Variants in CNTN5 observed in about 807,000 individuals in gnomAD.
The protein encoded by CNTN5 is contactin-5.
A neutral mutation model predicts 129.1 loss-of-function variants in CNTN5; 77 were observed. The observed-to-expected ratio is 0.60, with a 90% CI of 0.50 to 0.72. The LOEUF (loss-of-function observed/expected upper bound fraction) is 0.72, where lower values mean the gene tolerates loss of function less well. Ranked by LOEUF, CNTN5 falls within the 30% of genes least tolerant of loss-of-function variation. CNTN5 has a pLI of 0.00. For missense variants in CNTN5, 1,478 were observed against 1,328.8 expected, an observed-to-expected ratio of 1.11 and a Z score of -1.75; for synonymous variants, 509 against 465.6, an observed-to-expected ratio of 1.09 and a Z score of -1.20.
At chr11:99,968,034 G>A (rs772497968) in intron 8 of CNTN5, among the ~76,000 whole-genome samples, 2 of 152,124 alleles carry the variant, frequency 1.3e-5, no homozygotes, top group African/African-American at 2.4e-5. Flanking sequence ...CCTGTATTAA[G>A]CAAAGATATA....
At chr11:99,756,757 GA>G (rs1431594706) in intron 3 of CNTN5, among the ~76,000 whole-genome samples, 1 of 151,790 alleles carries the variant, frequency 6.6e-6, no homozygotes, top group African/African-American at 2.4e-5. Context: ...TGTTATATAA[GA>G]AAGAAATGAG....
chr11:100,286,374 G>C (rs1950791955), intron 18 of CNTN5, among the ~76,000 whole-genome samples: 1 of 151,674 alleles, frequency 6.6e-6, no homozygotes, highest in Non-Finnish European at 1.5e-5. Context: ...GCTTTGAAGA[G>C]AGCAGTGGTT....
At chr11:99,627,355 C>T (rs1440490477) in intron 3 of CNTN5, among the ~76,000 whole-genome samples, 1 of 152,004 alleles carries the variant, frequency 6.6e-6, no homozygotes, top group Non-Finnish European at 1.5e-5. Flanking sequence ...TTGACTGATA[C>T]AACTTCTGTT....
chr11:99,273,237 A>G (rs1051744462), intron 1 of CNTN5, among the ~76,000 whole-genome samples: 5 of 151,830 alleles, frequency 3.3e-5, no homozygotes, highest in African/African-American at 1.2e-4. Context: ...TATATTGCCC[A>G]TGTGATTTTA....
intron 1 of CNTN5, among the ~76,000 whole-genome samples, chr11:99,038,601 G>T (rs1863856830): frequency 6.6e-6 from 1 of 152,060 alleles, no homozygotes; most frequent in Non-Finnish European, 1.5e-5. Flanking sequence ...TACAAAGCAT[G>T]TAACATTGCT....
chr11:99,460,972 T>C (rs1297835823), intron 2 of CNTN5, among the ~76,000 whole-genome samples: 2 of 151,974 alleles, frequency 1.3e-5, no homozygotes, highest in Admixed American at 6.6e-5. Context: ...AGGCCAAAAA[T>C]TGGAAAACAC....
chr11:99,815,905 C>T (rs893192375), intron 3 of CNTN5, among the ~76,000 whole-genome samples: 2 of 152,146 alleles, frequency 1.3e-5, no homozygotes, highest in Admixed American at 6.5e-5. Context: ...GATTTTAACA[C>T]CCTTTCAGTT....
At chr11:99,268,384 A>C (rs1339234959) in intron 1 of CNTN5, among the ~76,000 whole-genome samples, 1 of 151,854 alleles carries the variant, frequency 6.6e-6, no homozygotes, top group East Asian at 1.9e-4. Flanking sequence ...GATTATTTTT[A>C]ATAAAATTGA....
intron 2 of CNTN5, among the ~76,000 whole-genome samples, chr11:99,467,007 A>T (rs1435196532): frequency 6.6e-6 from 1 of 152,166 alleles, no homozygotes; most frequent in Non-Finnish European, 1.5e-5. Context: ...GCATAGTGTT[A>T]TCTCTGCCAC....
chr11:99,705,950 G>A (rs1954737448), intron 3 of CNTN5, among the ~76,000 whole-genome samples: 1 of 151,406 alleles, frequency 6.6e-6, no homozygotes, highest in Non-Finnish European at 1.5e-5. Flanking sequence ...GGATAGCTCA[G>A]ACAAGCTGAA....
chr11:99,383,370 C>A (rs1416778076), intron 2 of CNTN5, among the ~76,000 whole-genome samples: 1 of 152,128 alleles, frequency 6.6e-6, no homozygotes. Flanking sequence ...GAAAGAAATA[C>A]AAAATATTTT....
intron 13 of CNTN5, among the ~76,000 whole-genome samples, chr11:100,092,967 G>C (rs1944852639): frequency 6.6e-6 from 1 of 152,034 alleles, no homozygotes; most frequent in Non-Finnish European, 1.5e-5. Flanking sequence ...ACTCGCCCTG[G>C]TTTTGGAGAA....
intron 2 of CNTN5, among the ~76,000 whole-genome samples, chr11:99,427,944 A>T (rs1028691918): frequency 6.6e-6 from 1 of 151,972 alleles, no homozygotes; most frequent in African/African-American, 2.4e-5. Flanking sequence ...AATTTTAGCC[A>T]ACTTAATCAC....
intron 17 of CNTN5, among the ~76,000 whole-genome samples, chr11:100,270,551 C>T (rs1002063533): frequency 6.6e-6 from 1 of 152,030 alleles, no homozygotes; most frequent in South Asian, 2.1e-4. Context: ...CAATGTTATG[C>T]CCTGACAAAA....
intron 9 of CNTN5, among the ~76,000 whole-genome samples, chr11:100,014,361 T>A (rs1345211842): frequency 1.3e-5 from 2 of 152,066 alleles, no homozygotes; most frequent in African/African-American, 4.8e-5. Context: ...GTCCCCCCTC[T>A]CCATTTTATT....
intron 13 of CNTN5, among the ~76,000 whole-genome samples, chr11:100,139,706 A>G (rs1214629577): frequency 6.6e-6 from 1 of 152,086 alleles, no homozygotes; most frequent in Non-Finnish European, 1.5e-5. Flanking sequence ...TCTACTGAAA[A>G]TACAAAAATT....
intron 1 of CNTN5, among the ~76,000 whole-genome samples, chr11:99,084,366 C>G (rs1275358507): frequency 6.6e-6 from 1 of 152,176 alleles, no homozygotes; most frequent in Non-Finnish European, 1.5e-5. Context: ...TGGCCCTAGG[C>G]AACTTAAGGG....
At chr11:99,161,000 T>C (rs1860584111) in intron 1 of CNTN5, among the ~76,000 whole-genome samples, 1 of 152,122 alleles carries the variant, frequency 6.6e-6, no homozygotes, top group African/African-American at 2.4e-5. Context: ...ATATTGCAAT[T>C]AAAAACTTGT....
intron 8 of CNTN5, among the ~76,000 whole-genome samples, chr11:99,976,643 G>A (rs766891976): frequency 1.1e-4 from 17 of 152,160 alleles, no homozygotes; most frequent in South Asian, 1.0e-3. Flanking sequence ...ATCTTAGCCC[G>A]TTTTAGCCAT....
Sources: allele counts gnomAD v4.1 joint callset (sites outside exome capture counted in the v4.1 genomes callset), GRCh38; gene constraint gnomAD v4.1.1; transcripts MANE v1.5; gene names NCBI Gene and HGNC (gene_info 2026-07-23, HGNC 2026-07-21).